Variants in SGSH observed in about 807,000 individuals in gnomAD.
SGSH encodes the protein heparan sulfate sulfatase.
A neutral mutation model predicts 51.0 loss-of-function variants in SGSH; 48 were observed. The observed-to-expected ratio is 0.94, with a 90% CI of 0.75 to 1.20. The LOEUF is 1.20. SGSH is among the 50% of genes most tolerant of loss of function. SGSH has a pLI of 0.00. For synonymous variants in SGSH, 321 were observed against 313.4 expected (o/e 1.02, Z -0.26); for missense variants, 662 against 717.8 (o/e 0.92, Z 0.89).
chr17:80,202,183 A>G (rs763973976), downstream of SGSH: 5 of 1,613,306 alleles, frequency 3.1e-6, no homozygotes, highest in Non-Finnish European at 4.2e-6. Flanking sequence ...TTATCAGGTT[A>G]TAAGAGGCTA....
chr17:80,220,245 C>T lies in SGSH; in HGVS notation c.69G>A (p.Arg23=). The change falls in exon 1 of 8, where the codon CGG becomes CGA. Residue 23 remains arginine (R), a synonymous_variant. Coordinates refer to ENST00000326317, the MANE Select transcript of SGSH (RefSeq NM_000199.5). ...ACTCACCGAGGAGCAGCAGTGCGTT[C>T]CGGGGACGCGCCCGGCAGAGCCCCA... is the stretch of plus-strand genomic sequence containing the variant. ...LVLGLCRARP[R]NALLLLADDG... is the part of the protein sequence containing the mutation. 2 of 1,523,430 alleles carry T rather than the reference C, an allele frequency of 1.3e-6. No homozygotes were observed. Among genetic ancestry groups the T allele is most frequent in the Non-Finnish European group, 1.8e-6 (2 of 1,142,042 alleles). The allele number at this position is 1,523,430 out of a possible 1,614,324, so 94.4% of individuals were successfully genotyped here.
rs1037485827 is a variant in SGSH, at chr17:80,216,278, A to G, written c.249+754T>C. 5.3e-4 allele frequency among the ~76,000 whole-genome samples: 80 copies of G among 151,948 alleles called. 1 individual carries two copies. The highest frequency in any genetic ancestry group is 1.5e-5 in the Non-Finnish European group (1 of 67,950). ...GGGGAGGCAGAGGCTGCAGTGAGCC[A>G]CGATCGCACCACAGCACTCCAGCCT... On this transcript the variant is annotated intron_variant, in intron 2 of 7. Transcript: ENST00000326317.
chr17:80,212,583 C>G lies in SGSH; in HGVS notation c.746-309G>C. The stretch of plus-strand genomic sequence containing the variant: ...CCGGCTTTTGAGTTCTCCGGAATCT[C>G]GTGTCTGTCCCATGGAGCAAATAGG... On this transcript the variant is annotated intron_variant, in intron 6 of 7. Transcript: ENST00000326317. The surrounding 1 kb of genome is among the most constrained non-coding windows in gnomAD (Gnocchi z 5.9). The G allele has an allele frequency of 2.2e-6, 1 of 451,928 alleles. No individual in the cohort carries two copies. Among genetic ancestry groups the G allele is most frequent in the East Asian group, 4.7e-5 (1 of 21,368 alleles). The allele number at this position is 451,928 out of a possible 1,614,324, so 28.0% of individuals were successfully genotyped here. A position where few individuals can be genotyped will look rare whatever the true frequency, so the allele number is the denominator to read the frequency against.
At chr17:80,215,437 G>C (rs2041854577) in intron 2 of SGSH, among the ~76,000 whole-genome samples, 1 of 152,272 alleles carries the variant, frequency 6.6e-6, no homozygotes. Context: ...CTTCTGTTAT[G>C]ATCACACGTT....
rs1474556145 is a variant in SGSH at position 80,210,523 on chromosome 17, C to A, written c.1438G>T (p.Val480Leu). The A allele has an allele frequency of 3.7e-6, 6 of 1,610,916 alleles. No individual in the cohort carries two copies. Among genetic ancestry groups the A allele is most frequent in the South Asian group, 1.1e-5 (1 of 90,942 alleles). The change falls in exon 8 of 8, where the codon GTG becomes TTG. Residue 480 changes from valine to leucine, a missense_variant. By Grantham distance (32) the Val-to-Leu change is conservative. Coordinates refer to ENST00000326317, the MANE Select transcript of SGSH (RefSeq NM_000199.5). ...TCCAGGACGCCGTCGGGGGCGCACA[C>A]CCAGGGGTCGTGGGTCTCCCACTGC... is the stretch of plus-strand genomic sequence containing the variant. ...KWQWETHDPW[V>L]CAPDGVLEEK...
At chr17:80,207,082 T>C (rs1415096562), downstream of SGSH, 1 of 1,611,762 alleles carries the variant, frequency 6.2e-7, no homozygotes, top group African/African-American at 1.3e-5. Context: ...GCAAAGAAGC[T>C]CAAGTAGGTG....
In SGSH at chr17:80,212,002, C is replaced by G. The variant is rs567847555; in HGVS notation, c.949+69G>C. 5.0e-5 allele frequency: 66 copies of G among 1,315,404 alleles called. No homozygotes were observed. The highest frequency in any genetic ancestry group is 7.1e-5 in the Non-Finnish European group (65 of 914,288). 81.5% of individuals were successfully genotyped at this position (1,315,404 alleles called of 1,614,324 possible). On this transcript the variant is annotated intron_variant, in intron 7 of 7. Coordinates refer to ENST00000326317, the MANE Select transcript of SGSH (RefSeq NM_000199.5). This position sits in a 1 kb window ranked among gnomAD's most constrained non-coding sequence, Gnocchi z 5.9. ...TTAGGTAATGGGTGTGGAGCAGCATCTGACAGGTCATGGCCCCGTCCCAGA... is the reference window on the plus strand; with the variant it reads ...TTAGGTAATGGGTGTGGAGCAGCATGTGACAGGTCATGGCCCCGTCCCAGA...
chr17:80,213,189 G>A lies in SGSH; in HGVS notation c.745+615C>T, dbSNP rs1307006197. 1.4e-5 allele frequency: 2 copies of A among 145,074 alleles called. No homozygotes were observed. Among genetic ancestry groups the A allele is most frequent in the South Asian group, 2.2e-4 (1 of 4,494 alleles). The allele number at this position is 145,074 out of a possible 1,614,324, so 9.0% of individuals were successfully genotyped here. A position where few individuals can be genotyped will look rare whatever the true frequency, so the allele number is the denominator to read the frequency against. On this transcript the variant is annotated intron_variant, in intron 6 of 7. Coordinates refer to ENST00000326317, the MANE Select transcript of SGSH (RefSeq NM_000199.5). The surrounding 1 kb of genome is among the most constrained non-coding windows in gnomAD (Gnocchi z 4.6). Reference sequence around the variant, plus strand: ...CGCGTGGGTGACAGAGCAAGACTCAGTCTCAAAAAAAAAAAAAAAGAAGAA... The same window carrying A: ...CGCGTGGGTGACAGAGCAAGACTCAATCTCAAAAAAAAAAAAAAAGAAGAA...
At chr17:80,211,281 C>G (rs541809278) in intron 7 of SGSH, 1 of 908,028 alleles carries the variant, frequency 1.1e-6, no homozygotes, top group Non-Finnish European at 1.6e-6. Context: ...TTTGGTAGCT[C>G]GTGTACTCCA....
Position 80,215,084 on chromosome 17 carries a change from C to A in SGSH, c.304G>T (p.Asp102Tyr), listed in dbSNP as rs781207515. 6.2e-7 allele frequency: 1 copy of A among 1,612,268 alleles called. No individual in the cohort carries two copies. Among genetic ancestry groups the A allele is most frequent in the African/African-American group, 1.3e-5 (1 of 74,932 alleles). The change falls in exon 3 of 8, where the codon GAC becomes TAC. Residue 102 changes from aspartate to tyrosine, a missense_variant. Transcript: ENST00000326317. Reference sequence around the variant, plus strand: ...AGCAGCGGCAGGCTCCGCACCTTGTCGAAGGAGTTGAAGTGGTGCACGTCC... The same window carrying A: ...AGCAGCGGCAGGCTCCGCACCTTGTAGAAGGAGTTGAAGTGGTGCACGTCC... ...HQDVHHFNSF[D>Y]KVRSLPLLLS... is the part of the protein sequence containing the mutation.
chr17:80,205,246 CCCTCCCTCCCTCCTCCCCTT>C (rs777870319), downstream of SGSH: 3 of 1,485,810 alleles, frequency 2.0e-6, no homozygotes, highest in Non-Finnish European at 2.8e-6. Flanking sequence ...CTTCCACCTT[CCCTCCCTCCCTCCTCCCCTT>C]CCTCCCTCCT....
chr17:80,215,206 C>T lies in SGSH; in HGVS notation c.250-68G>A, dbSNP rs2144756931. On this transcript the variant is annotated intron_variant, in intron 2 of 7. Transcript: ENST00000326317. ...AGAGCCCGCCTGCCGCACCTGTTCT[C>T]CCACGGCCCTCCCATCCCCAGGGGC... The T allele has an allele frequency of 1.2e-5, 14 of 1,183,266 alleles. No homozygotes were observed. The South Asian group carries it at 1.8e-4, about 15-fold the overall frequency. The allele number at this position is 1,183,266 out of a possible 1,614,324, so 73.3% of individuals were successfully genotyped here. A position where few individuals can be genotyped will look rare whatever the true frequency, so the allele number is the denominator to read the frequency against.
At chr17:80,208,135 C>T, downstream of SGSH, 2 of 1,530,738 alleles carry the variant, frequency 1.3e-6, no homozygotes, top group Non-Finnish European at 1.8e-6. Context: ...CTGGCCTGTG[C>T]AGGAAGGGCC....
At position 80,213,296 on chromosome 17, in the gene SGSH, AG is replaced by A. The variant is rs1372716530; in HGVS notation, c.745+507del. ...ATGGGGGCGATTCTGCCGCCAGCCC[AG>A]GAACGCCCAGCACTGGCACAGCCCC... On this transcript the variant is annotated intron_variant, in intron 6 of 7. Coordinates refer to ENST00000326317, the MANE Select transcript of SGSH (RefSeq NM_000199.5). This position sits in a 1 kb window ranked among gnomAD's most constrained non-coding sequence, Gnocchi z 4.6. The A allele has an allele frequency of 6.4e-6, 1 of 155,308 alleles. No individual in the cohort carries two copies. Among genetic ancestry groups the A allele is most frequent in the Non-Finnish European group, 1.4e-5 (1 of 70,284 alleles). 9.6% of individuals were successfully genotyped at this position (155,308 alleles called of 1,614,324 possible).
At chr17:80,203,777 C>T, downstream of SGSH, 1 of 1,514,236 alleles carries the variant, frequency 6.6e-7, no homozygotes, top group Non-Finnish European at 9.0e-7. This position sits in a 1 kb window ranked among gnomAD's most constrained non-coding sequence, Gnocchi z 4.6. Flanking sequence ...GCCCTGCTCA[C>T]CTGGCAGGAG....
chr17:80,211,200 A>G, intron 7 of SGSH, 189 bp from the exon 8 acceptor site: 1 of 1,450,966 alleles, frequency 6.9e-7, no homozygotes. Flanking sequence ...TGAATGGTAT[A>G]ACAAGAGGCC....
At chr17:80,204,722 C>A, downstream of SGSH, 1 of 414,546 alleles carries the variant, frequency 2.4e-6, no homozygotes, top group East Asian at 3.8e-5. Context: ...GCCACTCTCC[C>A]AGATCCTTTG....
chr17:80,203,748 C>G (rs2041118461), downstream of SGSH: 9 of 1,186,694 alleles, frequency 7.6e-6, no homozygotes, highest in Non-Finnish European at 9.7e-6. This position sits in a 1 kb window ranked among gnomAD's most constrained non-coding sequence, Gnocchi z 4.6. Flanking sequence ...CCCCACTCTC[C>G]CCTGCTCGGC....
rs1425636689 is a variant in SGSH, at chr17:80,217,300, T to C, written c.89-108A>G. 3 of 1,323,482 alleles carry C rather than the reference T, an allele frequency of 2.3e-6. No homozygotes were observed. In the East Asian group the frequency reaches 7.4e-5, roughly 33 times the overall value. The allele number at this position is 1,323,482 out of a possible 1,614,324, so 82.0% of individuals were successfully genotyped here. On this transcript the variant is annotated intron_variant, in intron 1 of 7. Coordinates refer to ENST00000326317, the MANE Select transcript of SGSH (RefSeq NM_000199.5). ...GATGCCAGAAGGCGAGACACCCAGG[T>C]GGGCATGGTACTGGCTCAGTGTGAA...
Sources: allele counts gnomAD v4.1 joint callset (sites outside exome capture counted in the v4.1 genomes callset), GRCh38; gene constraint gnomAD v4.1.1; non-coding constraint Gnocchi (gnomAD v3.1); transcripts MANE v1.5; gene names NCBI Gene and HGNC (gene_info 2026-07-23, HGNC 2026-07-21).